Variants in ALOX5 observed in about 807,000 individuals in gnomAD.
The protein encoded by ALOX5 is arachidonate 5-lipoxygenase.
A neutral mutation model predicts 87.9 loss-of-function variants in ALOX5; 64 were observed. The observed-to-expected ratio is 0.73, with a 90% CI of 0.60 to 0.90. The LOEUF is 0.90. ALOX5 is among the 40% of genes least tolerant of loss of function. ALOX5 has a pLI of 0.00. For missense variants in ALOX5, 822 were observed against 907.5 expected (o/e 0.91, Z 1.21); for synonymous variants, 388 against 355.1 (o/e 1.09, Z -1.04).
chr10:45,433,375 G>A (rs1841969359), intron 7 of ALOX5, among the ~76,000 whole-genome samples: 1 of 152,216 alleles, frequency 6.6e-6, no homozygotes, highest in Non-Finnish European at 1.5e-5. Context: ...TGAGGCTGTC[G>A]TGGCGAGGAC....
chr10:45,387,298 G>A (rs1321426552), intron 2 of ALOX5, among the ~76,000 whole-genome samples: 2 of 152,102 alleles, frequency 1.3e-5, no homozygotes, highest in Non-Finnish European at 2.9e-5. Context: ...ACAGGAAACC[G>A]GGTTGTGTCA....
chr10:45,411,293 A>G (rs973195775), intron 3 of ALOX5, among the ~76,000 whole-genome samples: 12 of 152,206 alleles, frequency 7.9e-5, no homozygotes, highest in Admixed American at 4.6e-4. Flanking sequence ...TCTGCCCTGT[A>G]TCTTGCATCA....
rs140854206 is a variant in ALOX5, at chr10:45,398,864, G to A, written c.431+2928G>A. Among the ~76,000 whole-genome samples the A allele has an allele frequency of 5.8e-3, 891 of 152,334 alleles. 6 individuals are homozygous for A. The highest frequency in any genetic ancestry group is 8.1e-3 in the Non-Finnish European group (553 of 68,028). ...CAGAACCCTCATACACTGCTGGTGG[G>A]AATGTAAAATGGCACAGCTGCTTGG... On this transcript the variant is annotated intron_variant, in intron 3 of 13. Transcript: ENST00000374391.
rs1589045099 is a variant in ALOX5 at position 45,437,180 on chromosome 10, C to T, written c.982-3250C>T. On this transcript the variant is annotated intron_variant, in intron 7 of 13. Transcript: ENST00000374391. ...CCAGCCTGACCAACATGGTGAAACCCCGTCTCAATTAAAAATACAAAAATT... is the reference window on the plus strand; with the variant it reads ...CCAGCCTGACCAACATGGTGAAACCTCGTCTCAATTAAAAATACAAAAATT... Among the ~76,000 whole-genome samples the T allele has an allele frequency of 2.0e-5, 3 of 152,236 alleles. No homozygotes were observed. The South Asian group carries it at 6.2e-4, about 32-fold the overall frequency.
chr10:45,413,389 A>T (rs1352295342), intron 4 of ALOX5, among the ~76,000 whole-genome samples: 3 of 152,254 alleles, frequency 2.0e-5, no homozygotes, highest in Non-Finnish European at 4.4e-5. Flanking sequence ...ACAAAATTCA[A>T]CAACCATTCA....
intron 3 of ALOX5, among the ~76,000 whole-genome samples, chr10:45,402,154 A>G (rs1840725660): frequency 6.6e-6 from 1 of 151,988 alleles, no homozygotes; most frequent in Non-Finnish European, 1.5e-5. Context: ...GTTTCATCAA[A>G]CACTTGCCAT....
chr10:45,424,869 G>A, intron 5 of ALOX5, 91 bp from the exon 6 acceptor site: 1 of 1,498,994 alleles, frequency 6.7e-7, no homozygotes, highest in Non-Finnish European at 9.1e-7. Flanking sequence ...AGACCAAGCA[G>A]GGACTCTGCT....
intron 3 of ALOX5, among the ~76,000 whole-genome samples, chr10:45,399,813 C>A (rs979405473): frequency 1.3e-5 from 2 of 152,006 alleles, no homozygotes; most frequent in Non-Finnish European, 2.9e-5. Flanking sequence ...GTACAAAAAA[C>A]CCCGTTTAAA....
At chr10:45,440,826 C>G (rs534175336) in intron 8 of ALOX5, among the ~76,000 whole-genome samples, 193 bp downstream of exon 8, 1 of 152,194 alleles carries the variant, frequency 6.6e-6, no homozygotes, top group East Asian at 1.9e-4. Flanking sequence ...CCCCAGGACA[C>G]GCGGCTGGGG....
intron 3 of ALOX5, 100 bp downstream of exon 3, chr10:45,396,036 A>C: frequency 8.1e-7 from 1 of 1,232,426 alleles, no homozygotes; most frequent in Non-Finnish European, 1.2e-6. Context: ...ATGGCCTGTC[A>C]CTGCTGGAAA....
intron 1 of ALOX5, among the ~76,000 whole-genome samples, chr10:45,380,342 G>C (rs770611536): frequency 6.6e-6 from 1 of 152,230 alleles, no homozygotes; most frequent in Non-Finnish European, 1.5e-5. Flanking sequence ...CTCTGGCCTA[G>C]ACTACAGAGC....
At chr10:45,439,781 C>T (rs981759957) in intron 7 of ALOX5, among the ~76,000 whole-genome samples, 2 of 152,170 alleles carry the variant, frequency 1.3e-5, no homozygotes, top group African/African-American at 4.8e-5. Context: ...TCACCTTGTC[C>T]CAGTGTGGAG....
intron 7 of ALOX5, among the ~76,000 whole-genome samples, chr10:45,431,860 C>T (rs1211889764): frequency 6.6e-6 from 1 of 152,130 alleles, no homozygotes; most frequent in Non-Finnish European, 1.5e-5. Context: ...GCGTGAGCTA[C>T]CGCACCCGGC....
chr10:45,436,552 G>T (rs12765209), intron 7 of ALOX5, among the ~76,000 whole-genome samples: 2,092 of 152,244 alleles, frequency 0.014, 21 homozygotes, highest in Admixed American at 0.015. Flanking sequence ...TCAAAAATCA[G>T]TTGGTTGCAG....
chr10:45,382,720 G>A lies in ALOX5; in HGVS notation c.349+39G>A, dbSNP rs529527916. On this transcript the variant is annotated intron_variant, in intron 2 of 13. Transcript: ENST00000374391. ...GCCCCTTCTGCCCCGGGCTTCCCAA[G>A]AACCGAAAGTTCTTCCTGTCCTCAA... 5 of 1,582,670 alleles carry A rather than the reference G, an allele frequency of 3.2e-6. No homozygotes were observed. The East Asian group carries it at 9.3e-5, about 29-fold the overall frequency.
chr10:45,399,292 G>A (rs151140531), intron 3 of ALOX5, among the ~76,000 whole-genome samples: 81 of 152,322 alleles, frequency 5.3e-4, no homozygotes, highest in African/African-American at 1.7e-3. Flanking sequence ...TAGGGGCAGG[G>A]AATGAGGAAG....
At position 45,424,031 on chromosome 10, in the gene ALOX5, T is replaced by G. The variant is rs1160829101; in HGVS notation, c.555-10T>G. On this transcript the variant is annotated splice_polypyrimidine_tract_variant and intron_variant, in intron 4 of 13. Coordinates refer to ENST00000374391, the MANE Select transcript of ALOX5 (RefSeq NM_000698.5). ...AGTGTGCGCAAGGTGACCTCTCTCC[T>G]GGTCTGCAGGATGGAGAACCTGTTC... The G allele has an allele frequency of 6.2e-7, 1 of 1,611,036 alleles. No individual in the cohort carries two copies. The highest frequency in any genetic ancestry group is 8.5e-7 in the Non-Finnish European group (1 of 1,177,298).
Sources: gnomAD v4.1 joint callset for allele counts (sites outside exome capture counted in the v4.1 genomes callset) on GRCh38, gnomAD v4.1.1 for gene constraint, MANE v1.5 for transcripts, NCBI Gene and HGNC (gene_info 2026-07-23, HGNC 2026-07-21) for gene names.